The following TASP1 variants were observed in gnomAD, a reference collection of about 807,000 sequenced individuals.
The protein encoded by TASP1 is threonine aspartase 1.
A neutral mutation model predicts 56.6 loss-of-function variants in TASP1; 16 were observed. The observed-to-expected ratio is 0.28, with a 90% CI of 0.19 to 0.43. The LOEUF is 0.43. TASP1 is among the 20% of genes least tolerant of loss of function. TASP1 has a pLI of 1.00. For missense variants in TASP1, 393 were observed against 511.6 expected (o/e 0.77, Z 2.24); for synonymous variants, 179 against 184.2 (o/e 0.97, Z 0.23).
At position 13,576,350 on chromosome 20, in the gene TASP1, A is replaced by G. The variant is rs28667785; in HGVS notation, c.488+4547T>C. 3.3e-3 allele frequency among the ~76,000 whole-genome samples: 313 copies of G among 94,868 alleles called. 1 individual carries two copies. Among genetic ancestry groups the G allele is most frequent in the African/African-American group, 0.012 (248 of 21,194 alleles). 62.2% of individuals were successfully genotyped at this position (94,868 alleles called of 152,430 possible). A position where few individuals can be genotyped will look rare whatever the true frequency, so the allele number is the denominator to read the frequency against. On this transcript the variant is annotated intron_variant, in intron 6 of 13. Coordinates refer to ENST00000337743, the MANE Select transcript of TASP1 (RefSeq NM_017714.3). ...AAGAGAAAGAAAGAAAGGAAGAAAG[A>G]AAGAAAGAAAGAAAGAAAGAAAGAA...
intron 4 of TASP1, among the ~76,000 whole-genome samples, chr20:13,601,722 C>T (rs947201346): frequency 3.9e-5 from 6 of 151,992 alleles, no homozygotes; most frequent in Non-Finnish European, 8.8e-5. Context: ...TGGAAAAACC[C>T]AGCAAACACT....
the TASP1 span, among the ~76,000 whole-genome samples, chr20:13,179,406 C>CGTGCGTGTGT: frequency 2.8e-5 from 4 of 143,404 alleles, no homozygotes; most frequent in Admixed American, 2.8e-4. Flanking sequence ...GAATTATGTG[C>CGTGCGTGTGT]GTGTGTGTGT....
At chr20:13,112,465 A>C in the TASP1 span, among the ~76,000 whole-genome samples, 1 of 152,196 alleles carries the variant, frequency 6.6e-6, no homozygotes, top group South Asian at 2.1e-4. Context: ...GCTCAAGTAC[A>C]TCATGAGGCC....
At chr20:13,430,449 G>A (rs774938361) in intron 12 of TASP1, among the ~76,000 whole-genome samples, 4 of 152,158 alleles carry the variant, frequency 2.6e-5, no homozygotes, top group Non-Finnish European at 5.9e-5. Flanking sequence ...AGGAAGCCCC[G>A]GTTCCTCAGA....
intron 13 of TASP1, 59 bp from the exon 14 acceptor site, chr20:13,390,511 C>A: frequency 6.6e-7 from 1 of 1,508,354 alleles, no homozygotes; most frequent in East Asian, 2.3e-5. Flanking sequence ...CTTGCCACAC[C>A]CCTACCCGTG....
chr20:13,301,143 A>T, the TASP1 span, among the ~76,000 whole-genome samples: 3 of 152,048 alleles, frequency 2.0e-5, no homozygotes, highest in Admixed American at 2.0e-4. Context: ...CCCACCCTTA[A>T]GTTATCCTGA....
intron 10 of TASP1, among the ~76,000 whole-genome samples, chr20:13,528,001 C>T (rs1267920003): frequency 1.3e-5 from 2 of 151,948 alleles, no homozygotes; most frequent in Admixed American, 6.6e-5. Flanking sequence ...GAGGGCAGAT[C>T]ACTTGAGGCC....
chr20:13,187,023 G>C, the TASP1 span, among the ~76,000 whole-genome samples: 1 of 152,154 alleles, frequency 6.6e-6, no homozygotes, highest in Non-Finnish European at 1.5e-5. Context: ...TAAGAAGAGA[G>C]ATAAAACTCT....
At chr20:13,402,148 G>A (rs1260698569) in intron 13 of TASP1, among the ~76,000 whole-genome samples, 1 of 152,052 alleles carries the variant, frequency 6.6e-6, no homozygotes, top group African/African-American at 2.4e-5. Context: ...CGCACCTCTG[G>A]GAAGACTTAT....
intron 4 of TASP1, among the ~76,000 whole-genome samples, chr20:13,619,673 G>C (rs1431489439): frequency 6.6e-6 from 1 of 152,082 alleles, no homozygotes; most frequent in Non-Finnish European, 1.5e-5. Flanking sequence ...CTATTTCAAA[G>C]GCAGCCAAAA....
intron 7 of TASP1, 46 bp from the exon 8 acceptor site, chr20:13,559,160 A>C (rs762034950): frequency 9.9e-6 from 12 of 1,215,742 alleles, no homozygotes. Context: ...TTTAAGAAAT[A>C]TTAGGGCAAT....
intron 7 of TASP1, among the ~76,000 whole-genome samples, chr20:13,562,536 T>A (rs1032312127): frequency 6.6e-6 from 1 of 152,112 alleles, no homozygotes; most frequent in Non-Finnish European, 1.5e-5. Flanking sequence ...CAAATTACTA[T>A]AATCAGAAAT....
the TASP1 span, among the ~76,000 whole-genome samples, chr20:13,379,309 G>T: frequency 2.0e-5 from 3 of 152,256 alleles, no homozygotes; most frequent in Non-Finnish European, 4.4e-5. Flanking sequence ...GTCTGTAAAG[G>T]ATTTTATTTC....
At chr20:13,321,939 C>T in the TASP1 span, among the ~76,000 whole-genome samples, 9 of 152,098 alleles carry the variant, frequency 5.9e-5, no homozygotes, top group Admixed American at 6.5e-5. Context: ...TCCATGCCTT[C>T]GTTTCTTCAT....
chr20:13,348,569 C>CT, the TASP1 span, among the ~76,000 whole-genome samples: 1 of 151,436 alleles, frequency 6.6e-6, no homozygotes, highest in Non-Finnish European at 1.5e-5. Context: ...CGTTGGCTGA[C>CT]TTTTTTTCTG....
the TASP1 span, chr20:13,166,040 T>A: frequency 6.6e-6 from 1 of 152,626 alleles, no homozygotes; most frequent in Admixed American, 6.5e-5. Context: ...ATCTAGTTTG[T>A]ATGGAAAAAG....
At chr20:13,305,865 A>T in the TASP1 span, among the ~76,000 whole-genome samples, 8 of 152,346 alleles carry the variant, frequency 5.3e-5, no homozygotes, top group South Asian at 4.1e-4. Flanking sequence ...GTAGAGATTT[A>T]AAAAACCAAG....
the TASP1 span, among the ~76,000 whole-genome samples, chr20:13,215,887 C>A: frequency 6.6e-6 from 1 of 152,194 alleles, no homozygotes; most frequent in Non-Finnish European, 1.5e-5. Context: ...GGTGGAGACC[C>A]TGGGAGCACC....
the TASP1 span, among the ~76,000 whole-genome samples, chr20:13,203,950 T>C: frequency 9.9e-5 from 15 of 152,224 alleles, no homozygotes; most frequent in African/African-American, 3.4e-4. Context: ...ACAACAAACT[T>C]GTGACTCTGA....
Sources: gnomAD v4.1 joint callset for allele counts (sites outside exome capture counted in the v4.1 genomes callset) on GRCh38, gnomAD v4.1.1 for gene constraint, MANE v1.5 for transcripts, NCBI Gene and HGNC (gene_info 2026-07-23, HGNC 2026-07-21) for gene names.